Variants in CNTN5 observed in about 807,000 individuals in gnomAD.
CNTN5 encodes the protein contactin-5.
In CNTN5, 77 loss-of-function variants were observed where a neutral mutation model predicts 129.1. That is an observed-to-expected ratio of 0.60 (90% CI 0.50 to 0.72). The LOEUF (loss-of-function observed/expected upper bound fraction) is 0.72, where lower values mean the gene tolerates loss of function less well. Ranked by LOEUF, CNTN5 falls within the 30% of genes least tolerant of loss-of-function variation. CNTN5 has a pLI of 0.00. For missense variants in CNTN5, 1,478 were observed against 1,328.8 expected (o/e 1.11, Z -1.75); for synonymous variants, 509 against 465.6 (o/e 1.09, Z -1.20).
intron 1 of CNTN5, among the ~76,000 whole-genome samples, chr11:99,180,209 A>G (rs903926180): frequency 2.6e-5 from 4 of 152,204 alleles, no homozygotes; most frequent in Non-Finnish European, 5.9e-5. Context: ...ATATAATAAT[A>G]AGCAGATGAT....
chr11:100,240,073 T>C (rs1246720616), intron 16 of CNTN5, among the ~76,000 whole-genome samples: 2 of 152,214 alleles, frequency 1.3e-5, no homozygotes, highest in African/African-American at 4.8e-5. Context: ...AAAGCTCACA[T>C]ATTTGTTTCA....
chr11:99,840,572 C>T (rs1318064642), intron 4 of CNTN5, among the ~76,000 whole-genome samples: 1 of 151,478 alleles, frequency 6.6e-6, no homozygotes, highest in Non-Finnish European at 1.5e-5. Context: ...ACAATAACCA[C>T]TGACGTTGTA....
intron 1 of CNTN5, among the ~76,000 whole-genome samples, chr11:99,250,826 T>C (rs1862062788): frequency 6.6e-6 from 1 of 151,924 alleles, no homozygotes. Flanking sequence ...GTCCAAGTTT[T>C]GTATTCTGTA....
chr11:99,890,537 TATAC>T (rs986644931), intron 6 of CNTN5, among the ~76,000 whole-genome samples: 41 of 151,706 alleles, frequency 2.7e-4, no homozygotes, highest in African/African-American at 8.2e-4. Context: ...TACATGTATG[TATAC>T]ATACATATAT....
chr11:99,859,094 C>T (rs1221152329), intron 6 of CNTN5, among the ~76,000 whole-genome samples: 2 of 152,102 alleles, frequency 1.3e-5, no homozygotes, highest in Non-Finnish European at 2.9e-5. Flanking sequence ...GTCTAGATCT[C>T]TTAAGAAACT....
intron 8 of CNTN5, among the ~76,000 whole-genome samples, chr11:99,989,696 TA>T (rs1348210773): frequency 7.2e-5 from 11 of 152,218 alleles, no homozygotes; most frequent in East Asian, 1.9e-4. Context: ...TACTTTTCTT[TA>T]AAAAAAACTT....
In CNTN5 at chr11:99,956,916, T is replaced by C; in HGVS notation, c.784T>C (p.Ser262Pro). The C allele has an allele frequency of 6.2e-7, 1 of 1,613,798 alleles. No homozygotes were observed. The highest frequency in any genetic ancestry group is 8.5e-7 in the Non-Finnish European group (1 of 1,179,756). Residue 262 changes from serine to proline, a missense_variant, in exon 8 of 25, where the codon TCA (serine) becomes CCA (proline). Transcript: ENST00000524871. ...CCTTTATATTTCTAAAGTCCAAACA[T>C]CAGATGTTGGCAGCTATATTTGTCT... is the stretch of plus-strand genomic sequence containing the variant. ...GNLYISKVQT[S>P]DVGSYICLVK... is the part of the protein sequence containing the mutation.
chr11:99,342,018 T>C (rs1364455022), intron 2 of CNTN5, among the ~76,000 whole-genome samples: 1 of 152,186 alleles, frequency 6.6e-6, no homozygotes, highest in East Asian at 1.9e-4. Flanking sequence ...TTCAAGAGCA[T>C]CTTGGCCTGC....
At chr11:100,232,191 A>G (rs1233087471) in intron 16 of CNTN5, among the ~76,000 whole-genome samples, 2 of 152,136 alleles carry the variant, frequency 1.3e-5, no homozygotes, top group African/African-American at 4.8e-5. Context: ...TGTGAAGCAT[A>G]GGAAGGGGAA....
chr11:99,110,174 A>G (rs767358553), intron 1 of CNTN5, among the ~76,000 whole-genome samples: 2 of 152,116 alleles, frequency 1.3e-5, no homozygotes, highest in Non-Finnish European at 2.9e-5. Context: ...CATTATCCAC[A>G]CCAGATGAAT....
chr11:99,128,876 G>A (rs1342098831), intron 1 of CNTN5, among the ~76,000 whole-genome samples: 4 of 152,152 alleles, frequency 2.6e-5, no homozygotes, highest in Non-Finnish European at 2.9e-5. Flanking sequence ...GAGGAGGACC[G>A]TGACTGTTAG....
rs566798870 is a variant in CNTN5 at position 99,492,784 on chromosome 11, G to A, written c.-70-63361G>A. Among the ~76,000 whole-genome samples the A allele has an allele frequency of 4.6e-5, 7 of 152,146 alleles. No homozygotes were observed. In the South Asian group the frequency reaches 1.2e-3, roughly 27 times the overall value. ...GAAAAGCTGTATATTTTTATGCTTGGATTTGAGGAAGGGGAGCCAGGCATG... is the reference window on the plus strand; with the variant it reads ...GAAAAGCTGTATATTTTTATGCTTGAATTTGAGGAAGGGGAGCCAGGCATG... On this transcript the variant is annotated intron_variant, in intron 2 of 24. Coordinates refer to ENST00000524871, the MANE Select transcript of CNTN5 (RefSeq NM_014361.4).
intron 3 of CNTN5, among the ~76,000 whole-genome samples, chr11:99,761,460 G>T (rs1219046): frequency 6.6e-6 from 1 of 151,462 alleles, no homozygotes; most frequent in Admixed American, 6.6e-5. Context: ...GTTCCCCTTC[G>T]TGTGTCCATG....
At chr11:100,255,713 C>A in intron 16 of CNTN5, 47 bp from the exon 17 acceptor site, 9 of 1,532,746 alleles carry the variant, frequency 5.9e-6, no homozygotes, top group Non-Finnish European at 8.1e-6. Context: ...CTCATGGCTC[C>A]TGATAATAAT....
intron 13 of CNTN5, among the ~76,000 whole-genome samples, chr11:100,074,935 C>T (rs1944069584): frequency 6.6e-6 from 1 of 152,082 alleles, no homozygotes; most frequent in Non-Finnish European, 1.5e-5. Context: ...GTACCAAATT[C>T]AAATGTTCCA....
Position 99,035,867 on chromosome 11 carries a change from G to A in CNTN5, c.-210+14597G>A, listed in dbSNP as rs1307920680. On this transcript the variant is annotated intron_variant, in intron 1 of 24. Transcript: ENST00000524871. The stretch of plus-strand genomic sequence containing the variant: ...GTTGATGCAGTTTCTTCCTAGTCTC[G>A]ATGGTCTTTACATTTTGGCATGATT... 9.2e-5 allele frequency among the ~76,000 whole-genome samples: 14 copies of A among 151,570 alleles called. No homozygotes were observed. In the East Asian group the frequency reaches 1.2e-3, roughly 13 times the overall value.
chr11:99,375,932 C>T (rs925307501), intron 2 of CNTN5, among the ~76,000 whole-genome samples: 10 of 152,064 alleles, frequency 6.6e-5, no homozygotes, highest in African/African-American at 2.4e-4. Context: ...TTTAATCTAC[C>T]ACAAATGGAA....
At chr11:100,213,272 T>A (rs1023006158) in intron 15 of CNTN5, among the ~76,000 whole-genome samples, 6 of 152,156 alleles carry the variant, frequency 3.9e-5, no homozygotes, top group Non-Finnish European at 7.4e-5. Context: ...TAAATTCAAA[T>A]GTGTACAACT....
intron 13 of CNTN5, among the ~76,000 whole-genome samples, chr11:100,144,268 T>G (rs1246387011): frequency 6.6e-6 from 1 of 152,182 alleles, no homozygotes; most frequent in Non-Finnish European, 1.5e-5. Flanking sequence ...AGATTTGTTA[T>G]GTAGATTTAT....
Sources: gnomAD v4.1 joint callset for allele counts (sites outside exome capture counted in the v4.1 genomes callset) on GRCh38, gnomAD v4.1.1 for gene constraint, MANE v1.5 for transcripts, NCBI Gene and HGNC (gene_info 2026-07-23, HGNC 2026-07-21) for gene names.